The following NTAQ1 variants were observed in gnomAD, a reference collection of about 807,000 sequenced individuals.
NTAQ1 encodes protein N-terminal glutamine amidohydrolase.
In NTAQ1, 21 loss-of-function variants were observed where a neutral mutation model predicts 28.2. The ratio of observed to expected loss-of-function variants is 0.74; its 90% CI spans 0.53 to 1.07. NTAQ1 has a LOEUF of 1.07. Ranked by LOEUF, NTAQ1 falls within the 50% of genes least tolerant of loss-of-function variation. The probability of loss-of-function intolerance (pLI) is 0.00; values close to 1 mark genes in which losing one functional copy is unlikely to be tolerated. For synonymous variants in NTAQ1, 105 were observed against 90.0 expected, an observed-to-expected ratio of 1.17 and a Z score of -0.94; for missense variants, 264 against 256.6, an observed-to-expected ratio of 1.03 and a Z score of -0.20.
chr8:123,435,777 G>T (rs1814668575), intron 3 of NTAQ1, among the ~76,000 whole-genome samples: 1 of 152,184 alleles, frequency 6.6e-6, no homozygotes, highest in Admixed American at 6.5e-5. Context: ...TGAGGCAGGA[G>T]AATCGCTTGA....
chr8:123,422,590 A>G, intron 1 of NTAQ1, among the ~76,000 whole-genome samples: 1 of 138,406 alleles, frequency 7.2e-6, no homozygotes, highest in Middle Eastern at 4.0e-3. Flanking sequence ...TAGGTTGTCT[A>G]TTTACTCCAT....
chr8:123,473,485 G>A (rs1816061882), downstream of NTAQ1, among the ~76,000 whole-genome samples: 1 of 151,870 alleles, frequency 6.6e-6, no homozygotes, highest in Admixed American at 6.6e-5. Context: ...TAGTAGAGAC[G>A]GTTTCACCAT....
At chr8:123,460,386 G>A (rs1442354210) in intron 6 of NTAQ1, among the ~76,000 whole-genome samples, 1 of 152,168 alleles carries the variant, frequency 6.6e-6, no homozygotes, top group Non-Finnish European at 1.5e-5. Context: ...ATTTGAACCT[G>A]GGCCTGACTC....
At chr8:123,451,374 G>A (rs369507878), downstream of NTAQ1, among the ~76,000 whole-genome samples, 39 of 152,018 alleles carry the variant, frequency 2.6e-4, no homozygotes, top group African/African-American at 8.9e-4. Flanking sequence ...AGTCTCACTC[G>A]GTCACCCAGG....
At chr8:123,418,832 A>G (rs1813477505) in intron 1 of NTAQ1, among the ~76,000 whole-genome samples, 1 of 152,208 alleles carries the variant, frequency 6.6e-6, no homozygotes, top group African/African-American at 2.4e-5. Flanking sequence ...CATTTTGAGC[A>G]TGATAATTCC....
intron 5 of NTAQ1, among the ~76,000 whole-genome samples, chr8:123,439,596 T>G: frequency 6.6e-6 from 1 of 152,156 alleles, no homozygotes; most frequent in Non-Finnish European, 1.5e-5. Context: ...TCTGCCCGCC[T>G]CGGCCTCCCA....
chr8:123,468,829 G>A (rs1439838667), exon 7 of NTAQ1, among the ~76,000 whole-genome samples: 1 of 152,166 alleles, frequency 6.6e-6, no homozygotes, highest in Non-Finnish European at 1.5e-5. Flanking sequence ...TCCACAAACA[G>A]TGCACAAGTG....
chr8:123,428,417 C>T (rs1008376145), intron 2 of NTAQ1, among the ~76,000 whole-genome samples: 1 of 152,062 alleles, frequency 6.6e-6, no homozygotes, highest in Non-Finnish European at 1.5e-5. Flanking sequence ...AGGCTGGTCT[C>T]GAACTCCTGG....
intron 6 of NTAQ1, among the ~76,000 whole-genome samples, chr8:123,459,727 A>G (rs980307624): frequency 6.6e-5 from 10 of 151,382 alleles, no homozygotes; most frequent in African/African-American, 1.9e-4. Context: ...TAGAACCCCT[A>G]TTGCTCAGGA....
rs570268685 is a variant in NTAQ1 at position 123,469,243 on chromosome 8, C to CT, written c.*2097dup. ...AGTTTGATATAATTCCATTTGTCTA[C>CT]TTTTGCTTTTTGTTGCCTATGCATT... On this transcript the variant is annotated 3_prime_UTR_variant, in exon 7 of 7. Transcript: ENST00000650311. 1.1e-3 allele frequency among the ~76,000 whole-genome samples: 160 copies of CT among 152,234 alleles called. 2 individuals are homozygous for CT. Among genetic ancestry groups the CT allele is most frequent in the African/African-American group, 3.7e-3 (152 of 41,538 alleles).
chr8:123,454,343 G>T (rs1815586185), intron 6 of NTAQ1, among the ~76,000 whole-genome samples: 1 of 150,550 alleles, frequency 6.6e-6, no homozygotes, highest in Admixed American at 6.7e-5. Context: ...GATAATAAAT[G>T]GATGCAATTT....
chr8:123,427,436 A>G (rs1365610358), intron 1 of NTAQ1, among the ~76,000 whole-genome samples: 2 of 151,922 alleles, frequency 1.3e-5, no homozygotes, highest in Non-Finnish European at 1.5e-5. Flanking sequence ...TATTTTTAGT[A>G]GAGACGGGGT....
At chr8:123,424,703 C>A (rs1813936080) in intron 1 of NTAQ1, among the ~76,000 whole-genome samples, 1 of 152,192 alleles carries the variant, frequency 6.6e-6, no homozygotes, top group African/African-American at 2.4e-5. Context: ...CCTCGCCTGG[C>A]CCCTTTGTAT....
downstream of NTAQ1, among the ~76,000 whole-genome samples, chr8:123,442,611 A>G (rs970083921): frequency 2.0e-5 from 3 of 149,698 alleles, no homozygotes; most frequent in African/African-American, 7.4e-5. Context: ...AAAAAAAAAA[A>G]GAAAAGAAAC....
chr8:123,440,915 A>T (rs1433546677), intron 5 of NTAQ1, among the ~76,000 whole-genome samples: 2 of 152,136 alleles, frequency 1.3e-5, no homozygotes, highest in African/African-American at 4.8e-5. Flanking sequence ...TGGTGGTGAC[A>T]TGAATTATTT....
chr8:123,449,923 A>G (rs865947626), downstream of NTAQ1, among the ~76,000 whole-genome samples: 34 of 37,250 alleles, frequency 9.1e-4, no homozygotes, highest in Middle Eastern at 0.02. Flanking sequence ...GTGTGTGTAT[A>G]TATATATGTG....
intron 5 of NTAQ1, among the ~76,000 whole-genome samples, chr8:123,437,903 G>A (rs1019707020): frequency 1.3e-5 from 2 of 152,142 alleles, no homozygotes; most frequent in Non-Finnish European, 2.9e-5. Context: ...ATTATTGGAT[G>A]TAGCTACTGC....
Position 123,469,386 on chromosome 8 carries a change from C to T in NTAQ1, c.*2236C>T, listed in dbSNP as rs139498155. On this transcript the variant is annotated 3_prime_UTR_variant, in exon 7 of 7. Coordinates refer to the NTAQ1 transcript ENST00000650311. ...GAAAAGTAAGCCTTGGTCAAGCTTA[C>T]AGACAAGAGACTAGGCTGGTTATTC... Among the ~76,000 whole-genome samples the T allele has an allele frequency of 2.0e-3, 303 of 152,278 alleles. 2 individuals carry two copies. Among genetic ancestry groups the T allele is most frequent in the African/African-American group, 7.0e-3 (292 of 41,538 alleles).
At chr8:123,434,887 C>G (rs937792934) in intron 3 of NTAQ1, among the ~76,000 whole-genome samples, 1 of 151,978 alleles carries the variant, frequency 6.6e-6, no homozygotes, top group Non-Finnish European at 1.5e-5. Context: ...CTGGGGAAGT[C>G]CAGAGAATAG....
Sources: allele counts gnomAD v4.1 joint callset (sites outside exome capture counted in the v4.1 genomes callset), GRCh38; gene constraint gnomAD v4.1.1; transcripts MANE v1.5; gene names NCBI Gene and HGNC (gene_info 2026-07-23, HGNC 2026-07-21).